The following PCDHGA1 variants were observed in gnomAD, a reference collection of about 807,000 sequenced individuals.
The protein encoded by PCDHGA1 is protocadherin gamma subfamily A, 1.
Under a neutral mutation model 58.0 loss-of-function variants are expected in PCDHGA1, and 32 were observed. The ratio of observed to expected loss-of-function variants is 0.55; its 90% confidence interval spans 0.42 to 0.74. The LOEUF (loss-of-function observed/expected upper bound fraction) is 0.74. PCDHGA1 is among the 30% of genes least tolerant of loss of function. PCDHGA1 has a pLI of 0.00. For synonymous variants in PCDHGA1, 498 were observed against 501.1 expected (o/e 0.99, Z 0.08); for missense variants, 1,205 against 1,182.3 (o/e 1.02, Z -0.28).
In PCDHGA1 at chr5:141,415,024, G is replaced by A. The variant is rs1272655664; in HGVS notation, c.2422-79783G>A. On this transcript the variant is annotated intron_variant, in intron 1 of 3. Coordinates refer to ENST00000517417, the MANE Select transcript of PCDHGA1 (RefSeq NM_018912.3). ...GTCCTACCGTCTGCTCAAGGCCAGC[G>A]AGCCGGGACTCTTCGCGGTGGGGGA... 4.3e-6 allele frequency: 7 copies of A among 1,613,450 alleles called. 1 individual carries two copies. The highest frequency in any genetic ancestry group is 3.3e-5 in the Admixed American group (2 of 60,002).
At position 141,437,305 on chromosome 5, in the gene PCDHGA1, G is replaced by A. The variant is rs369317069; in HGVS notation, c.2422-57502G>A. On this transcript the variant is annotated intron_variant, in intron 1 of 3. Transcript: ENST00000517417. ...TATCCATTTCATCTAACAAGTTAAA[G>A]CGTTCAGCTATAATTTAAAATTTGT... 1.8e-4 allele frequency among the ~76,000 whole-genome samples: 28 copies of A among 152,266 alleles called. No homozygotes were observed. In the South Asian group the frequency reaches 4.8e-3, roughly 26 times the overall value.
chr5:141,370,807 C>T lies in PCDHGA1; in HGVS notation c.2421+37702C>T. 2 of 1,614,036 alleles carry T rather than the reference C, an allele frequency of 1.2e-6. No homozygotes were observed. Among genetic ancestry groups the T allele is most frequent in the Non-Finnish European group, 1.7e-6 (2 of 1,179,902 alleles). On this transcript the variant is annotated intron_variant, in intron 1 of 3. Coordinates refer to ENST00000517417, the MANE Select transcript of PCDHGA1 (RefSeq NM_018912.3). ...CCACCGACCTTTAGCCAAAATATCA[C>T]TGAGCTGGAAATCAGCGAACTGGCT...
chr5:141,335,775 C>G (rs1049694039), intron 1 of PCDHGA1, among the ~76,000 whole-genome samples: 1 of 152,126 alleles, frequency 6.6e-6, no homozygotes, highest in Non-Finnish European at 1.5e-5. Context: ...TGCCTTACAA[C>G]ACATACTTAA....
intron 1 of PCDHGA1, chr5:141,408,498 G>A (rs934521153): frequency 1.7e-5 from 27 of 1,613,634 alleles, no homozygotes; most frequent in Non-Finnish European, 2.3e-5. Flanking sequence ...TGCAAAGAGA[G>A]AAGAAGATGT....
At position 141,485,120 on chromosome 5, in the gene PCDHGA1, G is replaced by A. The variant is rs2099607447; in HGVS notation, c.2422-9687G>A. On this transcript the variant is annotated intron_variant, in intron 1 of 3. Coordinates refer to ENST00000517417, the MANE Select transcript of PCDHGA1 (RefSeq NM_018912.3). The surrounding 1 kb of genome is among the most constrained non-coding windows in gnomAD (Gnocchi z 5.7). ...TCCAGCTGCTGTGGCTGTTTGGGGC[G>A]GGTCGGCTTCATCCGCGTCTCAGGA... The A allele has an allele frequency of 1.5e-6, 2 of 1,348,050 alleles. No homozygotes were observed. Among genetic ancestry groups the A allele is most frequent in the Non-Finnish European group, 2.1e-6 (2 of 952,710 alleles). 83.5% of individuals were successfully genotyped at this position (1,348,050 alleles called of 1,614,324 possible).
chr5:141,352,444 C>T (rs562202552), intron 1 of PCDHGA1: 1 of 1,614,062 alleles, frequency 6.2e-7, no homozygotes, highest in Non-Finnish European at 8.5e-7. Context: ...CCGGTCTCTG[C>T]TCCAAGTCTG....
chr5:141,390,104 C>T, intron 1 of PCDHGA1: 1 of 1,614,070 alleles, frequency 6.2e-7, no homozygotes, highest in East Asian at 2.2e-5. Context: ...TTCCCCCCAA[C>T]TACAGCGAGG....
Position 141,431,570 on chromosome 5 carries a change from G to T in PCDHGA1, c.2422-63237G>T. On this transcript the variant is annotated intron_variant, in intron 1 of 3. Coordinates refer to ENST00000517417, the MANE Select transcript of PCDHGA1 (RefSeq NM_018912.3). This position sits in a 1 kb window ranked among gnomAD's most constrained non-coding sequence, Gnocchi z 4.8. The stretch of plus-strand genomic sequence containing the variant: ...TGTAGTCAACGCTACCGACCCTGAC[G>T]AAGGAGTCAATGCGGAAGTGAGGTA... The T allele has an allele frequency of 6.2e-7, 1 of 1,614,172 alleles. No homozygotes were observed. Among genetic ancestry groups the T allele is most frequent in the Non-Finnish European group, 8.5e-7 (1 of 1,180,024 alleles).
At chr5:141,461,009 A>T (rs1407993113) in intron 1 of PCDHGA1, among the ~76,000 whole-genome samples, 1 of 151,542 alleles carries the variant, frequency 6.6e-6, no homozygotes, top group Admixed American at 6.6e-5. Flanking sequence ...GTATATATAT[A>T]TACCACATTT....
intron 1 of PCDHGA1, among the ~76,000 whole-genome samples, chr5:141,444,472 C>T (rs559334960): frequency 2.1e-4 from 32 of 151,968 alleles, no homozygotes; most frequent in Admixed American, 1.5e-3. Flanking sequence ...CGCCCGGTCG[C>T]GTACTGGATT....
intron 1 of PCDHGA1, chr5:141,417,692 C>T (rs2096147964): frequency 1.8e-6 from 2 of 1,089,118 alleles, no homozygotes; most frequent in Non-Finnish European, 2.5e-6. Flanking sequence ...AAAAGAAAAC[C>T]AGCTCCCACA....
intron 1 of PCDHGA1, chr5:141,383,835 T>C (rs950729427): frequency 4.3e-6 from 7 of 1,613,802 alleles, no homozygotes; most frequent in Admixed American, 1.7e-5. Flanking sequence ...ATGAAGAAAC[T>C]GCCTTCTATG....
At position 141,370,441 on chromosome 5, in the gene PCDHGA1, T is replaced by C. The variant is rs2149963078; in HGVS notation, c.2421+37336T>C. On this transcript the variant is annotated intron_variant, in intron 1 of 3. Transcript: ENST00000517417. ...AGGGGCCCAGCAGGGCAGAGGCGAA[T>C]GCTATTTCTCTTCCTGCTCTCTTTG... 3.1e-6 allele frequency: 5 copies of C among 1,605,944 alleles called. No homozygotes were observed. Among genetic ancestry groups the C allele is most frequent in the Admixed American group, 1.7e-5 (1 of 58,778 alleles).
At chr5:141,356,631 AG>A (rs769542220) in intron 1 of PCDHGA1, 2 of 1,614,168 alleles carry the variant, frequency 1.2e-6, no homozygotes, top group Non-Finnish European at 1.7e-6. Context: ...TGACTGCTCA[AG>A]ACCCTGACAG....
Position 141,491,699 on chromosome 5 carries a change from A to G in PCDHGA1, c.2422-3108A>G. The G allele has an allele frequency of 6.2e-7, 1 of 1,612,008 alleles. No individual in the cohort carries two copies. The highest frequency in any genetic ancestry group is 1.1e-5 in the South Asian group (1 of 90,926). ...TCTAATACGCTGCGGGAGCGGAGCC[A>G]GGTGAGGGGCTCGGCGCCGCCCCGG... On this transcript the variant is annotated intron_variant, in intron 1 of 3. Transcript: ENST00000517417. The surrounding 1 kb of genome is among the most constrained non-coding windows in gnomAD (Gnocchi z 6.9).
At chr5:141,457,175 A>C (rs1447297536) in intron 1 of PCDHGA1, among the ~76,000 whole-genome samples, 2 of 152,192 alleles carry the variant, frequency 1.3e-5, no homozygotes, top group Non-Finnish European at 2.9e-5. Flanking sequence ...ACCCTATTGC[A>C]AATAGTAGAG....
At chr5:141,335,274 T>G (rs549193621) in intron 1 of PCDHGA1, among the ~76,000 whole-genome samples, 1 of 152,318 alleles carries the variant, frequency 6.6e-6, no homozygotes, top group South Asian at 2.1e-4. Context: ...CAAAACTGGT[T>G]GATTTTTAAA....
At position 141,389,685 on chromosome 5, in the gene PCDHGA1, TG is replaced by T. The variant is rs1303219922; in HGVS notation, c.2421+56582del. 1.8e-5 allele frequency: 29 copies of T among 1,612,354 alleles called. No homozygotes were observed. In the East Asian group the frequency reaches 6.2e-4, roughly 35 times the overall value. On this transcript the variant is annotated intron_variant, in intron 1 of 3. Coordinates refer to ENST00000517417, the MANE Select transcript of PCDHGA1 (RefSeq NM_018912.3). ...GGACGCAGACTCAGGACACAACGCC[TG>T]GCTGTCCTACCACGTGCTGCAGGCT...
chr5:141,490,993 C>G lies in PCDHGA1; in HGVS notation c.2422-3814C>G, dbSNP rs746618787. 1.9e-6 allele frequency: 3 copies of G among 1,614,140 alleles called. No individual in the cohort carries two copies. Among genetic ancestry groups the G allele is most frequent in the Non-Finnish European group, 2.5e-6 (3 of 1,180,030 alleles). On this transcript the variant is annotated intron_variant, in intron 1 of 3. Coordinates refer to ENST00000517417, the MANE Select transcript of PCDHGA1 (RefSeq NM_018912.3). The surrounding 1 kb of genome is among the most constrained non-coding windows in gnomAD (Gnocchi z 5.4). ...CCAGCGTCTCCCTCGCTCTGCTCCT[C>G]CTGGCTCCTTGGTCACCAAGGTGAC...
Sources: allele counts gnomAD v4.1 joint callset (sites outside exome capture counted in the v4.1 genomes callset), GRCh38; gene constraint gnomAD v4.1.1; non-coding constraint Gnocchi (gnomAD v3.1); transcripts MANE v1.5; gene names NCBI Gene and HGNC (gene_info 2026-07-23, HGNC 2026-07-21).